ITPR2: variants seen among roughly 807,000 people sequenced by gnomAD.
ITPR2 encodes inositol 1,4,5-trisphosphate receptor type 2, also known as inositol 1,4,5-trisphosphate-gated calcium channel ITPR2.
In ITPR2, 207 loss-of-function variants were observed where a neutral mutation model predicts 317.1. That is an observed-to-expected ratio of 0.65 (90% CI 0.58 to 0.73). ITPR2 has a LOEUF of 0.73. ITPR2 is among the 30% of genes least tolerant of loss of function. The pLI, the probability that ITPR2 is intolerant of heterozygous loss-of-function variation, is 0.00. For missense variants in ITPR2, 2,613 were observed against 3,284.0 expected (o/e 0.80, Z 4.99); for synonymous variants, 1,156 against 1,149.1 (o/e 1.01, Z -0.12).
chr12:26,371,531 G>C (rs189943388), intron 55 of ITPR2, among the ~76,000 whole-genome samples: 4 of 152,194 alleles, frequency 2.6e-5, no homozygotes, highest in Admixed American at 6.5e-5. Context: ...AGACTATGAC[G>C]AAGTGCTCTT....
intron 2 of ITPR2, among the ~76,000 whole-genome samples, chr12:26,726,433 G>C (rs1400567213): frequency 1.3e-5 from 2 of 152,186 alleles, no homozygotes; most frequent in South Asian, 2.1e-4. Flanking sequence ...TCAATGAGGA[G>C]AATGGAAGAA....
chr12:26,716,788 G>A (rs1948746760), intron 5 of ITPR2, among the ~76,000 whole-genome samples: 1 of 152,118 alleles, frequency 6.6e-6, no homozygotes, highest in African/African-American at 2.4e-5. Flanking sequence ...GTAGAAATAT[G>A]TTTTGTGTTT....
intron 2 of ITPR2, among the ~76,000 whole-genome samples, chr12:26,784,268 TCTC>T (rs1950150458): frequency 3.3e-4 from 3 of 8,960 alleles, no homozygotes; most frequent in Non-Finnish European, 1.3e-3. Flanking sequence ...TCCCTCTCCC[TCTC>T]CCTCTCCCTC....
intron 54 of ITPR2, among the ~76,000 whole-genome samples, chr12:26,397,287 AC>A (rs1940030560): frequency 6.6e-6 from 1 of 151,652 alleles, no homozygotes; most frequent in Non-Finnish European, 1.5e-5. Context: ...GTAAGTGAAG[AC>A]CCTTGTACTG....
chr12:26,362,703 G>GT (rs1186568622), intron 55 of ITPR2, among the ~76,000 whole-genome samples: 1 of 152,022 alleles, frequency 6.6e-6, no homozygotes, highest in Admixed American at 6.6e-5. Flanking sequence ...CAAATCTGAC[G>GT]TTCTTGGTCT....
intron 1 of ITPR2, among the ~76,000 whole-genome samples, chr12:26,822,579 T>G (rs556151603): frequency 3.3e-5 from 5 of 152,318 alleles, no homozygotes; most frequent in African/African-American, 1.2e-4. Flanking sequence ...TATAAAATTC[T>G]AATTAAGTTC....
At chr12:26,816,275 T>C (rs1469862417) in intron 1 of ITPR2, among the ~76,000 whole-genome samples, 2 of 152,172 alleles carry the variant, frequency 1.3e-5, no homozygotes, top group Non-Finnish European at 2.9e-5. Context: ...ATACTTTAGG[T>C]ATCTGATGCT....
intron 55 of ITPR2, among the ~76,000 whole-genome samples, chr12:26,350,028 G>T (rs892426038): frequency 6.6e-6 from 1 of 152,138 alleles, no homozygotes; most frequent in Admixed American, 6.5e-5. Context: ...ATGATGGGAG[G>T]GGGTGTGACC....
At chr12:26,602,959 G>A (rs997190900) in intron 26 of ITPR2, among the ~76,000 whole-genome samples, 1 of 152,130 alleles carries the variant, frequency 6.6e-6, no homozygotes, top group Non-Finnish European at 1.5e-5. Context: ...GAGTTAAATT[G>A]TAAAGTTTTC....
At chr12:26,522,280 T>C (rs1943686315) in intron 37 of ITPR2, among the ~76,000 whole-genome samples, 1 of 152,184 alleles carries the variant, frequency 6.6e-6, no homozygotes, top group Non-Finnish European at 1.5e-5. Context: ...AAGTACAGCA[T>C]AGAGATGTTC....
intron 37 of ITPR2, among the ~76,000 whole-genome samples, chr12:26,522,843 G>GT (rs1555147193): frequency 6.6e-6 from 1 of 151,678 alleles, no homozygotes; most frequent in African/African-American, 2.4e-5. Flanking sequence ...TTCCACGGCG[G>GT]GGGGGGAACC....
At chr12:26,776,018 G>T (rs954685375) in intron 2 of ITPR2, among the ~76,000 whole-genome samples, 1 of 149,962 alleles carries the variant, frequency 6.7e-6, no homozygotes, top group Admixed American at 6.7e-5. Context: ...TACCAGGAGT[G>T]GTTCTAGAGG....
chr12:26,761,669 T>C (rs544006211), intron 2 of ITPR2, among the ~76,000 whole-genome samples: 123 of 152,298 alleles, frequency 8.1e-4, no homozygotes, highest in African/African-American at 2.7e-3. Context: ...TAGTGGCACA[T>C]GCCTGTAGTT....
chr12:26,563,416 G>A (rs537082157), intron 34 of ITPR2, among the ~76,000 whole-genome samples: 20 of 152,000 alleles, frequency 1.3e-4, no homozygotes, highest in African/African-American at 4.1e-4. Flanking sequence ...CTAAAAATAC[G>A]AAAACTAGCT....
intron 1 of ITPR2, among the ~76,000 whole-genome samples, chr12:26,802,602 G>T (rs7313967): frequency 2.0e-4 from 2 of 10,050 alleles, no homozygotes; most frequent in African/African-American, 6.1e-4. Flanking sequence ...TATAGATATA[G>T]ATATAGATAT....
At chr12:26,645,695 CTT>C (rs1947098112) in intron 21 of ITPR2, among the ~76,000 whole-genome samples, 1 of 152,222 alleles carries the variant, frequency 6.6e-6, no homozygotes, top group Admixed American at 6.5e-5. Flanking sequence ...TGCATGTAAA[CTT>C]TGCTAACACT....
intron 45 of ITPR2, among the ~76,000 whole-genome samples, chr12:26,454,602 T>C (rs557285195): frequency 6.6e-6 from 1 of 152,324 alleles, no homozygotes; most frequent in South Asian, 2.1e-4. Context: ...TTTCACTGTT[T>C]CTGGTGATTT....
chr12:26,489,482 A>C (rs1942749233), intron 39 of ITPR2, among the ~76,000 whole-genome samples: 4 of 152,224 alleles, frequency 2.6e-5, no homozygotes, highest in Admixed American at 2.6e-4. Context: ...TTTGAAACCT[A>C]TCTCTATCTC....
chr12:26,704,818 G>C (rs1159657024), intron 9 of ITPR2, among the ~76,000 whole-genome samples: 1 of 152,110 alleles, frequency 6.6e-6, no homozygotes, highest in East Asian at 1.9e-4. Context: ...CTTAAAGTCA[G>C]ACAGATTGTA....
Sources: gnomAD v4.1 joint callset for allele counts (sites outside exome capture counted in the v4.1 genomes callset) on GRCh38, gnomAD v4.1.1 for gene constraint, MANE v1.5 for transcripts, NCBI Gene and HGNC (gene_info 2026-07-23, HGNC 2026-07-21) for gene names.